Variants in SPATA17 observed in about 807,000 individuals in gnomAD.
The protein encoded by SPATA17 is spermatogenesis associated 17.
Under a neutral mutation model 62.2 loss-of-function variants are expected in SPATA17, and 53 were observed. That is an observed-to-expected ratio of 0.85 (90% CI 0.68 to 1.07). The LOEUF is 1.07. Ranked by LOEUF, SPATA17 falls within the 50% of genes least tolerant of loss-of-function variation. SPATA17 has a pLI of 0.00. For missense variants in SPATA17, 466 were observed against 425.5 expected (o/e 1.10, Z -0.84); for synonymous variants, 146 against 146.8 (o/e 0.99, Z 0.04).
At chr1:217,790,604 C>G (rs1041277042) in intron 8 of SPATA17, among the ~76,000 whole-genome samples, 13 of 152,146 alleles carry the variant, frequency 8.5e-5, no homozygotes, top group African/African-American at 2.9e-4. Context: ...CCGTGCCCGG[C>G]TAATTTTTTG....
intron 3 of SPATA17, among the ~76,000 whole-genome samples, chr1:217,657,764 G>T (rs1160853115): frequency 6.6e-6 from 1 of 152,158 alleles, no homozygotes; most frequent in Non-Finnish European, 1.5e-5. Context: ...ATGTAAAAGA[G>T]ATATGATATA....
At chr1:217,700,100 C>T (rs768433711) in intron 5 of SPATA17, among the ~76,000 whole-genome samples, 2 of 151,960 alleles carry the variant, frequency 1.3e-5, no homozygotes, top group Non-Finnish European at 2.9e-5. Context: ...CAGGGGGATT[C>T]CTTTCACTCT....
chr1:217,841,802 T>TATTAA (rs980778335), intron 9 of SPATA17, among the ~76,000 whole-genome samples: 11 of 149,780 alleles, frequency 7.3e-5, no homozygotes, highest in African/African-American at 2.2e-4. Context: ...CTTTCCTACA[T>TATTAA]ATTAAATTAA....
intron 9 of SPATA17, among the ~76,000 whole-genome samples, chr1:217,816,171 A>G (rs1016042545): frequency 6.6e-6 from 1 of 152,070 alleles, no homozygotes; most frequent in Non-Finnish European, 1.5e-5. Context: ...GACTTTTAAT[A>G]TACTGAGTCT....
intron 3 of SPATA17, among the ~76,000 whole-genome samples, chr1:217,660,393 AG>A (rs1334279350): frequency 6.6e-6 from 1 of 152,198 alleles, no homozygotes; most frequent in Admixed American, 6.5e-5. Context: ...GACACATAAA[AG>A]GCCTACTGAA....
At chr1:217,677,256 ATTTTC>A (rs1480302285) in intron 4 of SPATA17, among the ~76,000 whole-genome samples, 1 of 151,936 alleles carries the variant, frequency 6.6e-6, no homozygotes, top group African/African-American at 2.4e-5. Flanking sequence ...TCAAGTAACC[ATTTTC>A]TTTTGTTTCC....
chr1:217,641,082 G>A (rs1026965571), intron 1 of SPATA17, among the ~76,000 whole-genome samples: 15 of 151,880 alleles, frequency 9.9e-5, no homozygotes, highest in Non-Finnish European at 1.9e-4. Flanking sequence ...ATTTTGTTTC[G>A]AAAACAAAAT....
chr1:217,815,743 C>T (rs1033760154), intron 9 of SPATA17, among the ~76,000 whole-genome samples: 1 of 152,140 alleles, frequency 6.6e-6, no homozygotes, highest in African/African-American at 2.4e-5. Context: ...AGAGGGTTCC[C>T]AGAGAAGATA....
At chr1:217,657,780 A>G (rs1670475840) in intron 3 of SPATA17, among the ~76,000 whole-genome samples, 1 of 152,160 alleles carries the variant, frequency 6.6e-6, no homozygotes, top group South Asian at 2.1e-4. Flanking sequence ...ATATAGTTTG[A>G]ATGTTTGTCC....
intron 10 of SPATA17, among the ~76,000 whole-genome samples, chr1:217,863,372 C>A (rs1476708437): frequency 1.3e-5 from 2 of 152,062 alleles, no homozygotes; most frequent in African/African-American, 4.8e-5. Context: ...CTCAAGTGAT[C>A]TGCCCTCCGT....
intron 8 of SPATA17, among the ~76,000 whole-genome samples, chr1:217,792,532 T>C (rs537102447): frequency 6.6e-6 from 1 of 152,310 alleles, no homozygotes; most frequent in East Asian, 1.9e-4. Context: ...TAGCTTTCAC[T>C]TAGTTACCAC....
At chr1:217,688,277 G>A (rs530202549) in intron 5 of SPATA17, among the ~76,000 whole-genome samples, 2 of 152,166 alleles carry the variant, frequency 1.3e-5, no homozygotes, top group East Asian at 1.9e-4. Flanking sequence ...TAAAAAACTG[G>A]TTATAATTCC....
intron 9 of SPATA17, among the ~76,000 whole-genome samples, chr1:217,823,616 TC>T (rs2102998114): frequency 6.6e-6 from 1 of 152,110 alleles, no homozygotes; most frequent in African/African-American, 2.4e-5. Flanking sequence ...CTTCTCAAGG[TC>T]ATGTATGCAT....
intron 5 of SPATA17, among the ~76,000 whole-genome samples, chr1:217,737,260 GA>G (rs2102945080): frequency 6.6e-6 from 1 of 152,278 alleles, no homozygotes; most frequent in East Asian, 1.9e-4. Context: ...AGTATTAAAT[GA>G]GATGATATCT....
intron 5 of SPATA17, among the ~76,000 whole-genome samples, chr1:217,737,475 G>A (rs1055535146): frequency 6.6e-6 from 1 of 152,156 alleles, no homozygotes; most frequent in Non-Finnish European, 1.5e-5. Flanking sequence ...GGAGGAGGGA[G>A]GTTGAGAGAG....
chr1:217,784,472 T>C (rs961214664), intron 8 of SPATA17, among the ~76,000 whole-genome samples: 3 of 152,142 alleles, frequency 2.0e-5, no homozygotes, highest in Non-Finnish European at 4.4e-5. Context: ...TAGTATGAAC[T>C]TTGAAACTAG....
chr1:217,684,090 T>C lies in SPATA17; in HGVS notation c.395+729T>C, dbSNP rs563342028. Among the ~76,000 whole-genome samples the C allele has an allele frequency of 3.4e-4, 51 of 152,226 alleles. No homozygotes were observed. In the South Asian group the frequency reaches 7.1e-3, roughly 21 times the overall value. On this transcript the variant is annotated intron_variant, in intron 5 of 10. Transcript: ENST00000366933. ...AATATCATGAAACATATTAAAAAGG[T>C]CTGTTCACTGTCAGTTTTGATTTGT...
chr1:217,867,639 C>T lies in SPATA17; in HGVS notation c.*620C>T, dbSNP rs932313499. On this transcript the variant is annotated 3_prime_UTR_variant, in exon 11 of 11. Coordinates refer to ENST00000366933, the MANE Select transcript of SPATA17 (RefSeq NM_138796.4). ...TCTCGATGCCAGGGCTGTGTCAGAT[C>T]CTGCATGGCTCTGAACTACAGTTGG... 1 of 152,100 alleles carries T rather than the reference C, an allele frequency of 6.6e-6. No individual in the cohort carries two copies. Among genetic ancestry groups the T allele is most frequent in the Non-Finnish European group, 1.5e-5 (1 of 68,020 alleles). 9.4% of individuals were successfully genotyped at this position (152,100 alleles called of 1,614,324 possible). A position where few individuals can be genotyped will look rare whatever the true frequency, so the allele number is the denominator to read the frequency against.
chr1:217,800,902 A>T (rs1045316750), intron 8 of SPATA17, among the ~76,000 whole-genome samples: 1 of 152,288 alleles, frequency 6.6e-6, no homozygotes, highest in East Asian at 1.9e-4. Flanking sequence ...TCTGGGTTAT[A>T]CTGAAAGCAT....
Sources: allele counts gnomAD v4.1 joint callset (sites outside exome capture counted in the v4.1 genomes callset), GRCh38; gene constraint gnomAD v4.1.1; transcripts MANE v1.5; gene names NCBI Gene and HGNC (gene_info 2026-07-23, HGNC 2026-07-21).